The following KSR2 variants were observed in gnomAD, a reference collection of about 807,000 sequenced individuals.
The protein encoded by KSR2 is kinase suppressor of ras 2.
KSR2 carries 25 observed loss-of-function variants against 107.8 expected under a neutral mutation model. That is an observed-to-expected ratio of 0.23 (90% confidence interval 0.17 to 0.32). KSR2 has a LOEUF of 0.32. KSR2 is among the 10% of genes least tolerant of loss of function. KSR2 has a pLI of 1.00. For synonymous variants in KSR2, 480 were observed against 507.0 expected (o/e 0.95, Z 0.71); for missense variants, 887 against 1,268.9 (o/e 0.70, Z 4.57).
intron 4 of KSR2, among the ~76,000 whole-genome samples, chr12:117,716,380 G>A (rs941698047): frequency 6.6e-6 from 1 of 152,148 alleles, no homozygotes; most frequent in Non-Finnish European, 1.5e-5. Flanking sequence ...GGCCACATGT[G>A]GCTAGAGGGC....
chr12:117,527,263 AAAT>A, intron 12 of KSR2, 144 bp from the exon 13 acceptor site: 5 of 651,678 alleles, frequency 7.7e-6, no homozygotes, highest in Non-Finnish European at 1.4e-5. Flanking sequence ...GGTGTGTCTG[AAAT>A]AATCCATAAC....
rs538427729 is a variant in KSR2, at chr12:117,750,792, G to A, written c.986+10219C>T. ...TATGTTCCTGTGTTAGTTTGCTTAG[G>A]ATAATGGCCGCCAGCTGCATCCATG... On this transcript the variant is annotated intron_variant, in intron 4 of 19. Transcript: ENST00000339824. Among the ~76,000 whole-genome samples, 649 of 152,284 alleles carry A rather than the reference G, an allele frequency of 4.3e-3. 3 individuals carry two copies. The highest frequency in any genetic ancestry group is 0.014 in the African/African-American group (601 of 41,556).
At chr12:117,954,784 GGC>G (rs1391098559) in intron 1 of KSR2, among the ~76,000 whole-genome samples, 1 of 152,168 alleles carries the variant, frequency 6.6e-6, no homozygotes, top group Non-Finnish European at 1.5e-5. Flanking sequence ...GGGAGGCCAA[GGC>G]GGGTGGATCA....
chr12:117,534,341 G>A (rs527630119), intron 10 of KSR2, among the ~76,000 whole-genome samples: 1 of 152,272 alleles, frequency 6.6e-6, no homozygotes, highest in South Asian at 2.1e-4. Context: ...ACTTTCCCTT[G>A]TTTATGGCAC....
intron 17 of KSR2, among the ~76,000 whole-genome samples, chr12:117,472,746 G>T (rs961112523): frequency 6.6e-6 from 1 of 152,188 alleles, no homozygotes; most frequent in African/African-American, 2.4e-5. Context: ...GGTGCTAAAA[G>T]ATTATAGTTA....
chr12:117,636,224 T>C (rs1357379202), intron 5 of KSR2, among the ~76,000 whole-genome samples: 1 of 152,114 alleles, frequency 6.6e-6, no homozygotes, highest in Non-Finnish European at 1.5e-5. Flanking sequence ...CTGCTGGGTA[T>C]ATAAGCAAAA....
chr12:117,893,530 T>A (rs116199010), intron 1 of KSR2, among the ~76,000 whole-genome samples: 1,728 of 152,262 alleles, frequency 0.011, 29 homozygotes, highest in African/African-American at 0.04. Context: ...TGGGTCCAAA[T>A]CCGACTCACC....
At chr12:117,909,327 G>C (rs1247797785) in intron 1 of KSR2, among the ~76,000 whole-genome samples, 1 of 152,164 alleles carries the variant, frequency 6.6e-6, no homozygotes, top group African/African-American at 2.4e-5. Context: ...CCCCTACCAG[G>C]TTTAAGTCAC....
intron 1 of KSR2, among the ~76,000 whole-genome samples, chr12:117,916,199 C>A (rs572489899): frequency 2.1e-5 from 3 of 143,116 alleles, no homozygotes; most frequent in Non-Finnish European, 4.5e-5. Context: ...TACATTGGCG[C>A]GATCTCAGCT....
chr12:117,842,635 G>A lies in KSR2; in HGVS notation c.472+12793C>T, dbSNP rs1266688602. Among the ~76,000 whole-genome samples, 2 of 152,182 alleles carry A rather than the reference G, an allele frequency of 1.3e-5. No individual in the cohort carries two copies. The highest frequency in any genetic ancestry group is 2.1e-4 in the South Asian group (1 of 4,830). ...CCAATTCTTCTGCCCAGCACCTCGTGGATGCCAGGAATAAAAAGAGAAAGT... is the reference window on the plus strand; with the variant it reads ...CCAATTCTTCTGCCCAGCACCTCGTAGATGCCAGGAATAAAAAGAGAAAGT... On this transcript the variant is annotated intron_variant, in intron 3 of 19. Coordinates refer to ENST00000339824, the MANE Select transcript of KSR2 (RefSeq NM_173598.6). This position sits in a 1 kb window ranked among gnomAD's most constrained non-coding sequence, Gnocchi z 4.2.
At chr12:117,838,981 T>G (rs1368641997) in intron 3 of KSR2, among the ~76,000 whole-genome samples, 1 of 152,170 alleles carries the variant, frequency 6.6e-6, no homozygotes, top group Non-Finnish European at 1.5e-5. Context: ...AACAAATAGG[T>G]ATGGCAGTGT....
chr12:117,669,204 T>TATA (rs1884798255), intron 4 of KSR2, among the ~76,000 whole-genome samples: 1 of 152,158 alleles, frequency 6.6e-6, no homozygotes, highest in South Asian at 2.1e-4. Flanking sequence ...TAAGGAAATG[T>TATA]ATAGGTAACT....
intron 4 of KSR2, among the ~76,000 whole-genome samples, chr12:117,753,947 C>CGTGTGTGTGTGTGT (rs34174404): frequency 3.1e-5 from 4 of 129,032 alleles, no homozygotes; most frequent in Non-Finnish European, 3.2e-5. Flanking sequence ...AAGTATAGAG[C>CGTGTGTGTGTGTGT]GTGTGTGTGT....
At chr12:117,599,858 A>G (rs1264967163) in intron 5 of KSR2, among the ~76,000 whole-genome samples, 4 of 152,328 alleles carry the variant, frequency 2.6e-5, no homozygotes, top group East Asian at 1.9e-4. Context: ...AACGGTGACC[A>G]TGGTGGGGGA....
intron 3 of KSR2, among the ~76,000 whole-genome samples, chr12:117,827,034 C>CAGAAAA (rs1891782037): frequency 9.7e-6 from 1 of 103,600 alleles, no homozygotes; most frequent in East Asian, 2.9e-4. Context: ...GACCCTGTCT[C>CAGAAAA]AAAAAAAAAA....
intron 4 of KSR2, among the ~76,000 whole-genome samples, chr12:117,748,425 A>G (rs550529): frequency 0.9 from 136,239 of 152,126 alleles, 61,307 homozygotes; most frequent in African/African-American, 0.97. Flanking sequence ...TTTCAAAACC[A>G]CTGAGAGTAA....
Position 117,761,078 on chromosome 12 carries a change from C to T in KSR2, c.919G>A (p.Ala307Thr), listed in dbSNP as rs778527288. 9 of 1,613,776 alleles carry T rather than the reference C, an allele frequency of 5.6e-6. No homozygotes were observed. The South Asian group carries it at 7.7e-5, about 14-fold the overall frequency. ...TCGTGGGATTTGCTCCGATGCAGCG[C>T]GGTGAATCCCGGGATCAAGTGTATC... is the stretch of plus-strand genomic sequence containing the variant. ...KLIHLIPGFT[A>T]LHRSKSHEFQ... The change falls in exon 4 of 20, where the codon GCG (alanine) becomes ACG (threonine). Residue 307 changes from alanine (A) to threonine (T), a missense_variant. This residue lies in a region of KSR2 where 399 missense variants were observed against 479.5 expected (regional missense o/e 0.83). Coordinates refer to ENST00000339824, the MANE Select transcript of KSR2 (RefSeq NM_173598.6).
intron 1 of KSR2, among the ~76,000 whole-genome samples, chr12:117,920,147 A>G (rs143539697): frequency 2.4e-4 from 36 of 152,296 alleles, no homozygotes; most frequent in African/African-American, 8.7e-4. Flanking sequence ...CACCCAGGCT[A>G]GAGGAGAGTG....
At chr12:117,813,675 C>G (rs180801446) in intron 3 of KSR2, among the ~76,000 whole-genome samples, 4 of 152,040 alleles carry the variant, frequency 2.6e-5, no homozygotes, top group Admixed American at 6.6e-5. Flanking sequence ...ATTGTTGGTG[C>G]GAATGTAAAC....
Sources: gnomAD v4.1 joint callset for allele counts (sites outside exome capture counted in the v4.1 genomes callset) on GRCh38, gnomAD v4.1.1 for gene constraint, gnomAD v4.1.1 regional missense constraint, Gnocchi (gnomAD v3.1) non-coding constraint, MANE v1.5 for transcripts, NCBI Gene and HGNC (gene_info 2026-07-23, HGNC 2026-07-21) for gene names.